Variants in MALT1 observed in about 807,000 individuals in gnomAD.
MALT1 encodes the protein MALT1 paracaspase.
MALT1 carries 36 observed loss-of-function variants against 85.5 expected under a neutral mutation model. That is an observed-to-expected ratio of 0.42 (90% CI 0.32 to 0.56). The LOEUF (loss-of-function observed/expected upper bound fraction) is 0.56, where lower values mean the gene tolerates loss of function less well. Ranked by LOEUF, MALT1 falls within the 20% of genes least tolerant of loss-of-function variation. The pLI, the probability that MALT1 is intolerant of heterozygous loss-of-function variation, is 0.10. For missense variants in MALT1, 716 were observed against 981.6 expected (o/e 0.73, Z 3.62); for synonymous variants, 359 against 361.3 (o/e 0.99, Z 0.07).
intron 2 of MALT1, chr18:58,691,082 C>T (rs948521424): frequency 5.1e-5 from 12 of 236,374 alleles, no homozygotes; most frequent in Admixed American, 4.5e-4. Context: ...CTAGTGGAGC[C>T]GGCTGAGTGC....
At chr18:58,675,718 C>G (rs2054229733) in intron 1 of MALT1, among the ~76,000 whole-genome samples, 1 of 152,206 alleles carries the variant, frequency 6.6e-6, no homozygotes, top group Non-Finnish European at 1.5e-5. Flanking sequence ...AGGTTTCCTT[C>G]TCGCCCTCTT....
rs914347084 is a variant in MALT1 at position 58,751,480 on chromosome 18, T to C, written c.*3638T>C. On this transcript the variant is annotated 3_prime_UTR_variant, in exon 17 of 17. Coordinates refer to ENST00000649217, the MANE Select transcript of MALT1 (RefSeq NM_006785.4). Reference sequence around the variant, plus strand: ...TAGTCTCAGCTCACTGCAGCATCCGTGGAGGCTGAAACAGGAGAATCGCAT... The same window carrying C: ...TAGTCTCAGCTCACTGCAGCATCCGCGGAGGCTGAAACAGGAGAATCGCAT... 6.6e-6 allele frequency: 1 copy of C among 152,002 alleles called. No individual in the cohort carries two copies. Among genetic ancestry groups the C allele is most frequent in the African/African-American group, 2.4e-5 (1 of 41,386 alleles). The allele number at this position is 152,002 out of a possible 1,614,324, so 9.4% of individuals were successfully genotyped here. A position where few individuals can be genotyped will look rare whatever the true frequency, so the allele number is the denominator to read the frequency against.
intron 7 of MALT1, among the ~76,000 whole-genome samples, chr18:58,712,799 C>T (rs190082784): frequency 8.4e-4 from 127 of 151,868 alleles, no homozygotes; most frequent in Admixed American, 2.2e-3. Flanking sequence ...TAAATATGTA[C>T]GATTATTATG....
intron 13 of MALT1, among the ~76,000 whole-genome samples, chr18:58,739,100 TTTC>T (rs2055265860): frequency 1.3e-5 from 2 of 152,214 alleles, no homozygotes; most frequent in South Asian, 4.1e-4. Context: ...GGATGTTTCT[TTTC>T]TTTCAATTTC....
intron 1 of MALT1, among the ~76,000 whole-genome samples, chr18:58,678,088 A>G (rs1018452874): frequency 3.9e-5 from 6 of 152,230 alleles, no homozygotes; most frequent in Non-Finnish European, 8.8e-5. Context: ...TACATGGATT[A>G]GCTATTTAAT....
At chr18:58,684,078 A>G (rs2054362072) in intron 2 of MALT1, among the ~76,000 whole-genome samples, 1 of 152,094 alleles carries the variant, frequency 6.6e-6, no homozygotes, top group Non-Finnish European at 1.5e-5. Flanking sequence ...GACTACAAGC[A>G]CGCACCACCA....
intron 1 of MALT1, among the ~76,000 whole-genome samples, chr18:58,673,522 G>A (rs1047923782): frequency 6.6e-6 from 1 of 151,694 alleles, no homozygotes; most frequent in East Asian, 1.9e-4. Flanking sequence ...TGGTGTGATC[G>A]TGGCTCACTA....
chr18:58,704,793 C>T (rs1031435891), intron 4 of MALT1, among the ~76,000 whole-genome samples: 39 of 150,878 alleles, frequency 2.6e-4, no homozygotes, highest in African/African-American at 8.8e-4. Context: ...ATATGTTTTT[C>T]ATTCTTTTAG....
At chr18:58,718,662 CAA>C (rs1177323767) in intron 9 of MALT1, among the ~76,000 whole-genome samples, 5 of 152,162 alleles carry the variant, frequency 3.3e-5, no homozygotes, top group South Asian at 2.1e-4. Flanking sequence ...CTTAATGAAA[CAA>C]GAGAACAAGC....
intron 1 of MALT1, among the ~76,000 whole-genome samples, chr18:58,674,593 G>A (rs1298024319): frequency 6.6e-6 from 1 of 152,166 alleles, no homozygotes; most frequent in Non-Finnish European, 1.5e-5. Context: ...GAGCTTGGGG[G>A]CTGGACAGTG....
Position 58,728,430 on chromosome 18 carries a change from C to A in MALT1, c.1223-4967C>A, listed in dbSNP as rs151019390. ...ACCAGCCTTGGACAATATAGTGAGACCTCATCTCTACAAAAAATTTAAAAA... is the reference window on the plus strand; with the variant it reads ...ACCAGCCTTGGACAATATAGTGAGAACTCATCTCTACAAAAAATTTAAAAA... On this transcript the variant is annotated intron_variant, in intron 10 of 16. Coordinates refer to ENST00000649217, the MANE Select transcript of MALT1 (RefSeq NM_006785.4). Among the ~76,000 whole-genome samples, 103 of 152,076 alleles carry A rather than the reference C, an allele frequency of 6.8e-4. 1 individual carries two copies. The East Asian group carries it at 0.018, about 26-fold the overall frequency.
At chr18:58,714,292 A>G (rs1168972677) in intron 8 of MALT1, among the ~76,000 whole-genome samples, 183 bp downstream of exon 8, 4 of 152,222 alleles carry the variant, frequency 2.6e-5, no homozygotes, top group African/African-American at 9.6e-5. Flanking sequence ...TACATTAAAA[A>G]TATTTTAGGT....
chr18:58,736,527 T>TGG (rs1474006245), intron 13 of MALT1, among the ~76,000 whole-genome samples: 1 of 152,182 alleles, frequency 6.6e-6, no homozygotes, highest in Non-Finnish European at 1.5e-5. Context: ...CCAGAAACTC[T>TGG]ACAGTGTTTT....
intron 8 of MALT1, 58 bp downstream of exon 8, chr18:58,714,167 A>T: frequency 1.2e-6 from 1 of 845,288 alleles, no homozygotes; most frequent in Non-Finnish European, 1.9e-6. Context: ...GAATGCAGCA[A>T]AGTTACCGTA....
At position 58,741,881 on chromosome 18, in the gene MALT1, C is replaced by T; in HGVS notation, c.1620C>T (p.His540=). ...DEVAEDMGKC[H]LTKGKQALEI... ...ATCTTTTAGATATGGGTAAGTGTCA[C>T]CTTACCAAAGGCAAACAGGCTCTAG... The change falls in exon 14 of 17, where the codon CAC becomes CAT. Residue 540 remains histidine, a synonymous_variant. Coordinates refer to ENST00000649217, the MANE Select transcript of MALT1 (RefSeq NM_006785.4). The T allele has an allele frequency of 6.6e-7, 1 of 1,526,602 alleles. No homozygotes were observed. Among genetic ancestry groups the T allele is most frequent in the Non-Finnish European group, 8.9e-7 (1 of 1,118,324 alleles). 94.6% of individuals were successfully genotyped at this position (1,526,602 alleles called of 1,614,324 possible). A position where few individuals can be genotyped will look rare whatever the true frequency, so the allele number is the denominator to read the frequency against.
rs1345392384 is a variant in MALT1, at chr18:58,671,746, G to A, written c.103G>A (p.Glu35Lys). 1.6e-6 allele frequency: 2 copies of A among 1,277,038 alleles called. No homozygotes were observed. Among genetic ancestry groups the A allele is most frequent in the Non-Finnish European group, 2.0e-6 (2 of 1,012,208 alleles). The allele number at this position is 1,277,038 out of a possible 1,614,324, so 79.1% of individuals were successfully genotyped here. The change falls in exon 1 of 17, where the codon GAG (glutamate) becomes AAG (lysine). Residue 35 changes from glutamate to lysine, a missense_variant. By Grantham distance (56) the Glu-to-Lys change is moderately conservative (BLOSUM62 1). This residue lies in a region of MALT1 where 80 missense variants were observed against 65.1 expected (regional missense o/e 1.23). Transcript: ENST00000649217. Reference protein sequence around the residue: ...PAGATLNRLREPLLRRLSELL... With the variant: ...PAGATLNRLRKPLLRRLSELL... Reference sequence around the variant, plus strand: ...CGGCGCGACCCTCAACCGCCTGCGGGAGCCGCTGCTGCGGAGGCTCAGCGA... The same window carrying A: ...CGGCGCGACCCTCAACCGCCTGCGGAAGCCGCTGCTGCGGAGGCTCAGCGA...
intron 9 of MALT1, among the ~76,000 whole-genome samples, chr18:58,722,231 G>A (rs2054995114): frequency 6.6e-6 from 1 of 151,940 alleles, no homozygotes; most frequent in African/African-American, 2.4e-5. Context: ...ACTAAGCTAG[G>A]TCTGGCTTTC....
At chr18:58,747,301 G>C in intron 16 of MALT1, 104 bp from the exon 17 acceptor site, 1 of 716,998 alleles carries the variant, frequency 1.4e-6, no homozygotes, top group East Asian at 2.5e-5. Context: ...GGAAAGGAGA[G>C]TGAGTGGATT....
chr18:58,697,378 A>G (rs2144353684), intron 3 of MALT1: 1 of 152,298 alleles, frequency 6.6e-6, no homozygotes, highest in South Asian at 2.1e-4. Flanking sequence ...CACAGAGGTA[A>G]GACAGAGCAA....
Sources: allele counts gnomAD v4.1 joint callset (sites outside exome capture counted in the v4.1 genomes callset), GRCh38; gene constraint gnomAD v4.1.1; regional missense constraint gnomAD v4.1.1; transcripts MANE v1.5; gene names NCBI Gene and HGNC (gene_info 2026-07-23, HGNC 2026-07-21).